Variants in FGF7 observed in about 807,000 individuals in gnomAD.
FGF7 encodes the protein fibroblast growth factor 7.
In FGF7, 6 loss-of-function variants were observed where a neutral mutation model predicts 20.5. The observed-to-expected ratio is 0.29, with a 90% CI of 0.16 to 0.58. The LOEUF is 0.58. Among genes scored for constraint, FGF7 ranks in the 20% least tolerant of loss-of-function variants. The pLI, the probability that FGF7 is intolerant of heterozygous loss-of-function variation, is 0.90. For missense variants in FGF7, 144 were observed against 228.8 expected (o/e 0.63, Z 2.39); for synonymous variants, 64 against 74.7 (o/e 0.86, Z 0.74).
At chr15:49,472,450 C>G (rs762563679) in intron 2 of FGF7, among the ~76,000 whole-genome samples, 26 of 152,154 alleles carry the variant, frequency 1.7e-4, no homozygotes, top group Non-Finnish European at 3.2e-4. Context: ...CCATAGGACA[C>G]TTCAGTTAAA....
At chr15:49,432,974 T>C (rs1391599880) in intron 2 of FGF7, among the ~76,000 whole-genome samples, 1 of 151,652 alleles carries the variant, frequency 6.6e-6, no homozygotes, top group Non-Finnish European at 1.5e-5. Context: ...AAATTCTTAC[T>C]GTATATATCT....
At position 49,486,581 on chromosome 15, in the gene FGF7, A is replaced by T. The variant is rs1453220935; in HGVS notation, c.*2077A>T. 6.6e-6 allele frequency: 1 copy of T among 152,004 alleles called. No individual in the cohort carries two copies. Among genetic ancestry groups the T allele is most frequent in the Non-Finnish European group, 1.5e-5 (1 of 67,914 alleles). 9.4% of individuals were successfully genotyped at this position (152,004 alleles called of 1,614,324 possible). A position where few individuals can be genotyped will look rare whatever the true frequency, so the allele number is the denominator to read the frequency against. Reference sequence around the variant, plus strand: ...CTTCATTTTAAAAGGGTAAAACATGACTATACAGAAATTTAAATAGAAATA... The same window carrying T: ...CTTCATTTTAAAAGGGTAAAACATGTCTATACAGAAATTTAAATAGAAATA... On this transcript the variant is annotated 3_prime_UTR_variant, in exon 4 of 4. Transcript: ENST00000267843.
intron 2 of FGF7, 60 bp downstream of exon 2, chr15:49,424,643 G>C (rs1237447132): frequency 7.5e-7 from 1 of 1,328,094 alleles, no homozygotes; most frequent in Non-Finnish European, 1.0e-6. Flanking sequence ...TCAATTTTCA[G>C]GTGATATGTT....
At chr15:49,426,903 G>C (rs2050178584) in intron 2 of FGF7, among the ~76,000 whole-genome samples, 1 of 151,938 alleles carries the variant, frequency 6.6e-6, no homozygotes, top group Non-Finnish European at 1.5e-5. Flanking sequence ...ACTTTCATCA[G>C]AATCCTTTAA....
At chr15:49,425,231 T>C (rs934793984) in intron 2 of FGF7, 2 of 151,712 alleles carry the variant, frequency 1.3e-5, no homozygotes, top group Non-Finnish European at 3.0e-5. Context: ...TCATAAAAGT[T>C]CTGTGCTATC....
In FGF7 at chr15:49,456,658, A is replaced by C. The variant is rs529440012; in HGVS notation, c.287-26493A>C. 9.9e-5 allele frequency among the ~76,000 whole-genome samples: 15 copies of C among 152,236 alleles called. No homozygotes were observed. In the East Asian group the frequency reaches 2.9e-3, roughly 29 times the overall value. On this transcript the variant is annotated intron_variant, in intron 2 of 3. Transcript: ENST00000267843. The stretch of plus-strand genomic sequence containing the variant: ...AGTAACTACAAAATAAGGCAGGATA[A>C]GTGTTCTTTCTAAAAAGAGTCAGAG...
At chr15:49,428,509 AC>A (rs1222818749) in intron 2 of FGF7, among the ~76,000 whole-genome samples, 2 of 151,940 alleles carry the variant, frequency 1.3e-5, no homozygotes, top group African/African-American at 4.8e-5. Context: ...TTACTGCTGC[AC>A]CAGGCAGTCC....
chr15:49,447,451 A>C (rs1222724465), intron 2 of FGF7, among the ~76,000 whole-genome samples: 1 of 151,682 alleles, frequency 6.6e-6, no homozygotes, highest in Non-Finnish European at 1.5e-5. Context: ...GTGCATTACA[A>C]GAGTCAAATA....
Position 49,486,552 on chromosome 15 carries a change from T to G in FGF7, c.*2048T>G, listed in dbSNP as rs2056415370. On this transcript the variant is annotated 3_prime_UTR_variant, in exon 4 of 4. Transcript: ENST00000267843. ...GACAAAAGAAAATACACACTAAAACTAATCTTCATTTTAAAAGGGTAAAAC... is the reference window on the plus strand; with the variant it reads ...GACAAAAGAAAATACACACTAAAACGAATCTTCATTTTAAAAGGGTAAAAC... 1.3e-5 allele frequency: 2 copies of G among 152,062 alleles called. No individual in the cohort carries two copies. Among genetic ancestry groups the G allele is most frequent in the Admixed American group, 1.3e-4 (2 of 15,222 alleles). The allele number at this position is 152,062 out of a possible 1,614,324, so 9.4% of individuals were successfully genotyped here. A position where few individuals can be genotyped will look rare whatever the true frequency, so the allele number is the denominator to read the frequency against.
At chr15:49,428,570 C>G (rs186677062) in intron 2 of FGF7, among the ~76,000 whole-genome samples, 23 of 152,084 alleles carry the variant, frequency 1.5e-4, no homozygotes, top group South Asian at 4.1e-4. Context: ...TAACACTGCT[C>G]TTTAAGCTGA....
At chr15:49,437,802 A>G (rs538707609) in intron 2 of FGF7, among the ~76,000 whole-genome samples, 2 of 151,854 alleles carry the variant, frequency 1.3e-5, no homozygotes, top group South Asian at 4.1e-4. Context: ...ATGTGTGGAT[A>G]CCAACACCAA....
intron 2 of FGF7, among the ~76,000 whole-genome samples, chr15:49,479,848 A>T (rs1313762702): frequency 3.9e-5 from 6 of 152,106 alleles, no homozygotes; most frequent in African/African-American, 1.4e-4. Flanking sequence ...TCCTGACCTC[A>T]GGTGATCCAC....
intron 2 of FGF7, among the ~76,000 whole-genome samples, chr15:49,477,117 C>T (rs2055412252): frequency 6.6e-6 from 1 of 151,900 alleles, no homozygotes; most frequent in African/African-American, 2.4e-5. Context: ...CTCCATTTCC[C>T]CCCACAGTTC....
Position 49,484,828 on chromosome 15 carries a change from A to G in FGF7, c.*324A>G, listed in dbSNP as rs2056272309. On this transcript the variant is annotated 3_prime_UTR_variant, in exon 4 of 4. Transcript: ENST00000267843. Reference sequence around the variant, plus strand: ...TACCCTTAAGAGTATGTTAGATTTGATTATCTGATAATGATTATTTAAATA... The same window carrying G: ...TACCCTTAAGAGTATGTTAGATTTGGTTATCTGATAATGATTATTTAAATA... 1 of 182,246 alleles carries G rather than the reference A, an allele frequency of 5.5e-6. No homozygotes were observed. Among genetic ancestry groups the G allele is most frequent in the Admixed American group, 6.1e-5 (1 of 16,380 alleles). The allele number at this position is 182,246 out of a possible 1,614,324, so 11.3% of individuals were successfully genotyped here. A position where few individuals can be genotyped will look rare whatever the true frequency, so the allele number is the denominator to read the frequency against.
intron 2 of FGF7, among the ~76,000 whole-genome samples, chr15:49,457,483 T>C (rs890296304): frequency 1.3e-5 from 2 of 151,994 alleles, no homozygotes; most frequent in East Asian, 1.9e-4. Context: ...TTCAGTAAAA[T>C]ATAAATACTT....
At chr15:49,429,237 G>T (rs946804468) in intron 2 of FGF7, among the ~76,000 whole-genome samples, 1 of 151,992 alleles carries the variant, frequency 6.6e-6, no homozygotes, top group African/African-American at 2.4e-5. Flanking sequence ...AGACAAGGTA[G>T]AATCTTGTAG....
chr15:49,459,521 G>C (rs556680956), intron 2 of FGF7, among the ~76,000 whole-genome samples: 3 of 151,972 alleles, frequency 2.0e-5, no homozygotes, highest in Non-Finnish European at 4.4e-5. Context: ...ATTGTGTTAA[G>C]TGCTTTTCTT....
chr15:49,485,585 A>G lies in FGF7; in HGVS notation c.*1081A>G, dbSNP rs1264487511. 6.6e-6 allele frequency: 1 copy of G among 152,522 alleles called. No homozygotes were observed. The highest frequency in any genetic ancestry group is 6.6e-5 in the Admixed American group (1 of 15,240). The allele number at this position is 152,522 out of a possible 1,614,324, so 9.4% of individuals were successfully genotyped here. On this transcript the variant is annotated 3_prime_UTR_variant, in exon 4 of 4. Coordinates refer to ENST00000267843, the MANE Select transcript of FGF7 (RefSeq NM_002009.4). ...TCCCTCCCTTTTCTGACTGACACTA[A>G]GTCTAGCACACAGCACTTGGGCCAG...
At chr15:49,431,798 C>T (rs1026987154) in intron 2 of FGF7, among the ~76,000 whole-genome samples, 5 of 151,640 alleles carry the variant, frequency 3.3e-5, no homozygotes, top group Non-Finnish European at 5.9e-5. Context: ...CAAAGTTTCT[C>T]ATAAAATATA....
Sources: allele counts gnomAD v4.1 joint callset (sites outside exome capture counted in the v4.1 genomes callset), GRCh38; gene constraint gnomAD v4.1.1; transcripts MANE v1.5; gene names NCBI Gene and HGNC (gene_info 2026-07-23, HGNC 2026-07-21).